Variants in POLA2 observed in about 807,000 individuals in gnomAD.
The protein encoded by POLA2 is DNA polymerase alpha 2, accessory subunit, also known as DNA polymerase alpha subunit B.
A neutral mutation model predicts 82.8 loss-of-function variants in POLA2; 47 were observed. The observed-to-expected ratio is 0.57, with a 90% confidence interval of 0.45 to 0.72. The LOEUF (loss-of-function observed/expected upper bound fraction) is 0.72. Ranked by LOEUF, POLA2 falls within the 30% of genes least tolerant of loss-of-function variation. The pLI is 0.00. For synonymous variants in POLA2, 287 were observed against 286.8 expected, an observed-to-expected ratio of 1.00 and a Z score of -0.01; for missense variants, 634 against 728.1, an observed-to-expected ratio of 0.87 and a Z score of 1.49.
intron 13 of POLA2, among the ~76,000 whole-genome samples, chr11:65,290,076 C>CT (rs1480583879): frequency 6.6e-6 from 1 of 151,818 alleles, no homozygotes; most frequent in Non-Finnish European, 1.5e-5. Context: ...TGGTAAAACT[C>CT]TGTCTGTACT....
intron 1 of POLA2, among the ~76,000 whole-genome samples, chr11:65,265,741 A>AG (rs1375680504): frequency 6.6e-6 from 1 of 152,076 alleles, no homozygotes; most frequent in Non-Finnish European, 1.5e-5. Context: ...ACCTCACAAA[A>AG]TACTGGATTA....
chr11:65,285,098 C>T (rs1949682234), intron 10 of POLA2, among the ~76,000 whole-genome samples: 1 of 151,930 alleles, frequency 6.6e-6, no homozygotes, highest in African/African-American at 2.4e-5. Flanking sequence ...GGTGAAACCT[C>T]ATCTCTACAA....
downstream of POLA2, among the ~76,000 whole-genome samples, chr11:65,301,758 T>C (rs150464476): frequency 1.5e-3 from 228 of 152,244 alleles, no homozygotes; most frequent in African/African-American, 5.2e-3. Flanking sequence ...GATTTCTGGC[T>C]AAAGAGACCA....
At chr11:65,279,293 G>A (rs1244726252) in intron 6 of POLA2, among the ~76,000 whole-genome samples, 1 of 152,142 alleles carries the variant, frequency 6.6e-6, no homozygotes, top group Non-Finnish European at 1.5e-5. Context: ...ATGGGGTGGG[G>A]TTCATGCTGA....
At chr11:65,300,162 T>C (rs1201624275), downstream of POLA2, among the ~76,000 whole-genome samples, 2 of 152,216 alleles carry the variant, frequency 1.3e-5, no homozygotes, top group African/African-American at 4.8e-5. Flanking sequence ...GATTTGCCTA[T>C]TTTGGGCATT....
At chr11:65,271,989 C>A (rs1949526707) in intron 4 of POLA2, among the ~76,000 whole-genome samples, 1 of 151,956 alleles carries the variant, frequency 6.6e-6, no homozygotes, top group Non-Finnish European at 1.5e-5. Context: ...CACTGTTAGG[C>A]CATGCATCAA....
At chr11:65,292,009 C>T (rs936357549) in intron 13 of POLA2, among the ~76,000 whole-genome samples, 3 of 152,216 alleles carry the variant, frequency 2.0e-5, no homozygotes, top group Non-Finnish European at 4.4e-5. Flanking sequence ...GAGACTGAGG[C>T]GGGCAGATCA....
In POLA2 at chr11:65,275,977, C is replaced by T. The variant is rs1431737002; in HGVS notation, c.440C>T (p.Ser147Leu). Residue 147 changes from serine to leucine, a missense_variant, in exon 5 of 18, where the codon TCA becomes TTA. Physicochemically the swap from Ser to Leu is moderately radical, Grantham distance 145. Transcript: ENST00000265465. ...VSTRSPHQLL[S>L]PSSFSPSATP... ...ACTCGTAGCCCCCATCAGCTACTCT[C>T]ACCGTCAAGTTTCTCTCCAAGGTAT... 1.2e-6 allele frequency: 2 copies of T among 1,601,942 alleles called. No individual in the cohort carries two copies. The highest frequency in any genetic ancestry group is 1.7e-5 in the Admixed American group (1 of 58,540).
chr11:65,262,256 G>C lies in POLA2; in HGVS notation c.-37G>C, dbSNP rs1160537866. On this transcript the variant is annotated 5_prime_UTR_variant, in exon 1 of 18. Transcript: ENST00000265465. ...GGCTTCTTGGGCGCAGGTCGGAGCT[G>C]GGTGGGCCGGCTCCCCGGCCCCTGG... The C allele has an allele frequency of 6.4e-7, 1 of 1,572,018 alleles. No individual in the cohort carries two copies. The highest frequency in any genetic ancestry group is 8.7e-7 in the Non-Finnish European group (1 of 1,147,384).
At chr11:65,287,589 C>T (rs554812349) in intron 10 of POLA2, 127 bp from the exon 11 acceptor site, 142 of 772,200 alleles carry the variant, frequency 1.8e-4, no homozygotes, top group Non-Finnish European at 2.7e-4. Context: ...TACCTTGGGT[C>T]CCCAGAGTTT....
intron 5 of POLA2, among the ~76,000 whole-genome samples, chr11:65,278,059 G>A (rs1389893747): frequency 6.6e-6 from 1 of 152,154 alleles, no homozygotes; most frequent in Non-Finnish European, 1.5e-5. Context: ...ACAACCAGAG[G>A]ATTAGAAGAC....
chr11:65,268,853 T>C (rs181394961), intron 4 of POLA2, 124 bp downstream of exon 4: 16 of 576,296 alleles, frequency 2.8e-5, no homozygotes, highest in Admixed American at 2.2e-4. Context: ...TTTCCACTTA[T>C]ACATCTTCCT....
intron 3 of POLA2, among the ~76,000 whole-genome samples, 155 bp downstream of exon 3, chr11:65,267,723 T>A (rs1949476722): frequency 6.6e-6 from 1 of 151,954 alleles, no homozygotes; most frequent in African/African-American, 2.4e-5. Context: ...GGCAAGCAGA[T>A]CACTTGAGCC....
Position 65,297,255 on chromosome 11 carries a change from G to T in POLA2, c.1783G>T (p.Val595Phe). 2.5e-6 allele frequency: 4 copies of T among 1,608,896 alleles called. No homozygotes were observed. Among genetic ancestry groups the T allele is most frequent in the Non-Finnish European group, 3.4e-6 (4 of 1,177,430 alleles). Residue 595 changes from valine (V) to phenylalanine (F), a missense_variant, in exon 18 of 18, where the codon GTC (valine) becomes TTC (phenylalanine). Coordinates refer to ENST00000265465, the MANE Select transcript of POLA2 (RefSeq NM_002689.4). ...ERQSPCIAVQ[V>F]VRI ...GCAGAGCCCATGCATTGCTGTGCAG[G>T]TCGTCAGGATCTGAGGCTTCTGTCC...
chr11:65,279,667 T>G (rs1161480066), intron 7 of POLA2, 41 bp downstream of exon 7: 3 of 1,380,624 alleles, frequency 2.2e-6, no homozygotes, highest in Non-Finnish European at 3.1e-6. Context: ...TAATATTACG[T>G]TTTTAAATCG....
At chr11:65,278,236 G>A (rs1949601729) in intron 5 of POLA2, among the ~76,000 whole-genome samples, 1 of 152,092 alleles carries the variant, frequency 6.6e-6, no homozygotes, top group Non-Finnish European at 1.5e-5. Flanking sequence ...ATAGACACTG[G>A]GGAAAATTGA....
Position 65,281,042 on chromosome 11 carries a change from GAAC to G in POLA2, c.801_803del (p.Asn267del), listed in dbSNP as rs762635656. 1.2e-6 allele frequency: 2 copies of G among 1,614,024 alleles called. No individual in the cohort carries two copies. Among genetic ancestry groups the G allele is most frequent in the Admixed American group, 1.7e-5 (1 of 59,996 alleles). On this transcript the variant is annotated inframe_deletion, in exon 8 of 18. Transcript: ENST00000265465. Reference sequence around the variant, plus strand: ...TTGGCTGTGATAGCAACGGGAAGCTGAACAACAAGTCAGTGATTCTCGAGGGAG... The same window carrying G: ...TTGGCTGTGATAGCAACGGGAAGCTGAACAAGTCAGTGATTCTCGAGGGAG...
At chr11:65,268,319 G>A (rs1035383159) in intron 3 of POLA2, among the ~76,000 whole-genome samples, 13 of 151,176 alleles carry the variant, frequency 8.6e-5, no homozygotes, top group African/African-American at 3.2e-4. Flanking sequence ...CTAGCAATCA[G>A]CCCTTGCCTT....
At chr11:65,268,796 A>G in intron 4 of POLA2, 67 bp downstream of exon 4, 2 of 1,071,074 alleles carry the variant, frequency 1.9e-6, no homozygotes, top group Non-Finnish European at 2.7e-6. Context: ...ACAACATTTG[A>G]AGATCTGAGG....
Sources: allele counts gnomAD v4.1 joint callset (sites outside exome capture counted in the v4.1 genomes callset), GRCh38; gene constraint gnomAD v4.1.1; transcripts MANE v1.5; gene names NCBI Gene and HGNC (gene_info 2026-07-23, HGNC 2026-07-21).